BCL7C: variants seen among roughly 807,000 people sequenced by gnomAD.
BCL7C encodes BAF chromatin remodeling complex subunit BCL7C.
In BCL7C, 8 loss-of-function variants were observed where a neutral mutation model predicts 26.2. The observed-to-expected ratio is 0.30, with a 90% CI of 0.18 to 0.55. The LOEUF is 0.55. BCL7C is among the 20% of genes least tolerant of loss of function. BCL7C has a pLI of 0.93. For missense variants in BCL7C, 262 were observed against 298.5 expected, an observed-to-expected ratio of 0.88 and a Z score of 0.90; for synonymous variants, 90 against 116.5, an observed-to-expected ratio of 0.77 and a Z score of 1.47.
At chr16:30,862,662 T>A (rs1020773770) in intron 5 of BCL7C, among the ~76,000 whole-genome samples, 10 of 152,120 alleles carry the variant, frequency 6.6e-5, no homozygotes, top group African/African-American at 2.4e-4. Context: ...TAATTCTTCA[T>A]AAAAACACAC....
chr16:30,875,326 C>T (rs1208479515), intron 5 of BCL7C: 1 of 153,558 alleles, frequency 6.5e-6, no homozygotes, highest in Non-Finnish European at 1.5e-5. Flanking sequence ...CTGAGGTTGC[C>T]CGAGGTCTCA....
At chr16:30,888,810 T>C in intron 5 of BCL7C, 50 bp downstream of exon 5, 3 of 1,572,902 alleles carry the variant, frequency 1.9e-6, no homozygotes. Context: ...ACTGCCCAGA[T>C]CCCCCATTCC....
chr16:30,853,727 C>T (rs113330904), intron 5 of BCL7C, among the ~76,000 whole-genome samples: 1 of 152,224 alleles, frequency 6.6e-6, no homozygotes, highest in South Asian at 2.1e-4. Flanking sequence ...TCTTCTCCTG[C>T]AGTTTCTTTT....
intron 5 of BCL7C, among the ~76,000 whole-genome samples, chr16:30,852,826 A>C (rs2054687827): frequency 6.6e-6 from 1 of 152,018 alleles, no homozygotes; most frequent in Admixed American, 6.6e-5. Flanking sequence ...CTCTTTTGTC[A>C]ATAAGCTCAT....
chr16:30,887,727 G>T, downstream of BCL7C: 17 of 1,368,578 alleles, frequency 1.2e-5, no homozygotes, highest in Non-Finnish European at 1.6e-5. Flanking sequence ...TCTGAGCAAT[G>T]GTGCATGAGA....
intron 5 of BCL7C, among the ~76,000 whole-genome samples, chr16:30,872,012 A>T (rs2054886741): frequency 1.3e-5 from 2 of 152,174 alleles, no homozygotes; most frequent in African/African-American, 4.8e-5. Context: ...CTTATCTTCT[A>T]TATGCTATAA....
rs562952100 is a variant in BCL7C at position 30,871,995 on chromosome 16, T to G, written c.528+16865A>C. Among the ~76,000 whole-genome samples the G allele has an allele frequency of 7.9e-5, 12 of 152,276 alleles. No individual in the cohort carries two copies. In the South Asian group the frequency reaches 2.1e-3, roughly 26 times the overall value. ...GAACAAGAGCATGGCAGGACCTGGT[T>G]GTTTTGCTTATCTTCTATATGCTAT... On this transcript the variant is annotated intron_variant, in intron 5 of 5. Transcript: ENST00000380317.
chr16:30,835,638 G>A (rs2054564640), intron 5 of BCL7C, among the ~76,000 whole-genome samples: 1 of 151,708 alleles, frequency 6.6e-6, no homozygotes, highest in Non-Finnish European at 1.5e-5. Flanking sequence ...CTGAGGTCAG[G>A]AGTTGGAGAC....
At chr16:30,846,436 C>T (rs1338756826) in intron 5 of BCL7C, among the ~76,000 whole-genome samples, 1 of 151,806 alleles carries the variant, frequency 6.6e-6, no homozygotes. Context: ...ACTGTGTTAG[C>T]CAGGATGGTC....
chr16:30,869,296 C>T (rs1015784249), intron 5 of BCL7C, among the ~76,000 whole-genome samples: 18 of 151,470 alleles, frequency 1.2e-4, no homozygotes, highest in African/African-American at 4.1e-4. Context: ...GCAGCCTCGA[C>T]CTCCCAGGTT....
intron 5 of BCL7C, among the ~76,000 whole-genome samples, chr16:30,881,118 C>T (rs935947312): frequency 6.6e-5 from 10 of 151,992 alleles, no homozygotes; most frequent in Non-Finnish European, 1.3e-4. Flanking sequence ...GCCTGCAGGC[C>T]GGGTGCCGTG....
intron 5 of BCL7C, among the ~76,000 whole-genome samples, chr16:30,853,208 G>A (rs903310366): frequency 1.3e-5 from 2 of 151,998 alleles, no homozygotes; most frequent in African/African-American, 4.8e-5. Flanking sequence ...AAAGTGCTGG[G>A]ATTACAGGCA....
chr16:30,867,944 C>T (rs1198784237), intron 5 of BCL7C, among the ~76,000 whole-genome samples: 1 of 152,066 alleles, frequency 6.6e-6, no homozygotes, highest in African/African-American at 2.4e-5. Context: ...GTGAAACAGA[C>T]TGTCCCCTAG....
chr16:30,862,126 G>A (rs892042925), intron 5 of BCL7C, among the ~76,000 whole-genome samples: 2 of 151,906 alleles, frequency 1.3e-5, no homozygotes, highest in African/African-American at 2.4e-5. Context: ...GTGAGCCACC[G>A]CGCCCGGCCT....
At chr16:30,887,308 A>T (rs1684108099), downstream of BCL7C, among the ~76,000 whole-genome samples, 1 of 151,042 alleles carries the variant, frequency 6.6e-6, no homozygotes, top group Admixed American at 6.6e-5. Context: ...AAACTCTCTA[A>T]AAAAAAATAG....
chr16:30,892,463 G>T, intron 4 of BCL7C, 123 bp downstream of exon 4: 2 of 899,858 alleles, frequency 2.2e-6, no homozygotes, highest in African/African-American at 1.7e-5. Flanking sequence ...TTCTGCAGGA[G>T]TCGGAAGGCG....
At chr16:30,836,289 G>A (rs1390608607) in intron 5 of BCL7C, among the ~76,000 whole-genome samples, 1 of 151,836 alleles carries the variant, frequency 6.6e-6, no homozygotes. Flanking sequence ...CAGCCATAGC[G>A]AGATTCCATC....
Position 30,893,029 on chromosome 16 carries a change from A to C in BCL7C, c.172-81T>G. 1 of 1,400,336 alleles carries C rather than the reference A, an allele frequency of 7.1e-7. No homozygotes were observed. Among genetic ancestry groups the C allele is most frequent in the Non-Finnish European group, 9.9e-7 (1 of 1,011,558 alleles). The allele number at this position is 1,400,336 out of a possible 1,614,324, so 86.7% of individuals were successfully genotyped here. ...GGAAACTGAGGCACTGAGAAGCAAA[A>C]GGGCTCAAACTCAGGGGGTGTGGAG... On this transcript the variant is annotated intron_variant, in intron 2 of 5. Transcript: ENST00000215115. The surrounding 1 kb of genome is among the most constrained non-coding windows in gnomAD (Gnocchi z 5.2).
rs185967217 is a variant in BCL7C at position 30,870,411 on chromosome 16, G to A, written c.528+18449C>T. On this transcript the variant is annotated intron_variant, in intron 5 of 5. Coordinates refer to the BCL7C transcript ENST00000380317. ...GCAGAGGCTCACACCTGTAATCCCA[G>A]CACACCTGTCTTCTCGGCCAAGGTG... Among the ~76,000 whole-genome samples, 43 of 152,302 alleles carry A rather than the reference G, an allele frequency of 2.8e-4. 1 individual carries two copies. The East Asian group carries it at 7.5e-3, about 27-fold the overall frequency.
Sources: gnomAD v4.1 joint callset for allele counts (sites outside exome capture counted in the v4.1 genomes callset) on GRCh38, gnomAD v4.1.1 for gene constraint, Gnocchi (gnomAD v3.1) non-coding constraint, MANE v1.5 for transcripts, NCBI Gene and HGNC (gene_info 2026-07-23, HGNC 2026-07-21) for gene names.